Variants in SFMBT2 observed in about 807,000 individuals in gnomAD.
SFMBT2 encodes the protein scm-like with four MBT domains protein 2.
Under a neutral mutation model 110.1 loss-of-function variants are expected in SFMBT2, and 38 were observed. That is an observed-to-expected ratio of 0.35 (90% CI 0.27 to 0.45). The LOEUF (loss-of-function observed/expected upper bound fraction) is 0.45, where lower values mean the gene tolerates loss of function less well. SFMBT2 is among the 20% of genes least tolerant of loss of function. The probability of loss-of-function intolerance (pLI) is 1.00; values close to 1 mark genes in which losing one functional copy is unlikely to be tolerated. For missense variants in SFMBT2, 1,011 were observed against 1,094.9 expected (o/e 0.92, Z 1.08); for synonymous variants, 425 against 425.4 (o/e 1.00, Z 0.01).
At chr10:7,193,176 C>A (rs1190910159) in intron 15 of SFMBT2, among the ~76,000 whole-genome samples, 1 of 152,120 alleles carries the variant, frequency 6.6e-6, no homozygotes, top group African/African-American at 2.4e-5. Context: ...CCTGGACTGC[C>A]AAAAAGCAGC....
intron 11 of SFMBT2, among the ~76,000 whole-genome samples, chr10:7,213,409 T>G: frequency 6.6e-6 from 1 of 151,158 alleles, no homozygotes; most frequent in African/African-American, 2.4e-5. Context: ...CTGAGTGCAA[T>G]GTGGGGGCCA....
chr10:7,220,857 G>A, intron 10 of SFMBT2, among the ~76,000 whole-genome samples: 1 of 147,912 alleles, frequency 6.8e-6, no homozygotes. Flanking sequence ...GACAGAGTCT[G>A]GCTCTGATGC....
intron 16 of SFMBT2, among the ~76,000 whole-genome samples, chr10:7,178,330 G>C (rs1341220014): frequency 6.6e-6 from 1 of 152,170 alleles, no homozygotes; most frequent in Non-Finnish European, 1.5e-5. Context: ...GGGTATGGAA[G>C]TTTTCCCCAA....
intron 10 of SFMBT2, among the ~76,000 whole-genome samples, chr10:7,226,414 C>G (rs541758352): frequency 5.9e-5 from 9 of 152,374 alleles, no homozygotes; most frequent in Admixed American, 2.0e-4. Flanking sequence ...GCAGCCACCC[C>G]TTTCTCGCTT....
In SFMBT2 at chr10:7,266,038, A is replaced by G. The variant is rs1375771125; in HGVS notation, c.870+10854T>C. Among the ~76,000 whole-genome samples the G allele has an allele frequency of 5.3e-5, 8 of 152,270 alleles. No homozygotes were observed. The South Asian group carries it at 1.7e-3, about 32-fold the overall frequency. On this transcript the variant is annotated intron_variant, in intron 7 of 20. Coordinates refer to ENST00000397167, the MANE Select transcript of SFMBT2 (RefSeq NM_001387889.1). The stretch of plus-strand genomic sequence containing the variant: ...GCTGAGATCAGTGCTGAACCAGGAT[A>G]GCAGGGAGAGTGCGCAGAAGGGGAG...
chr10:7,271,507 A>G (rs1329730876), intron 7 of SFMBT2, among the ~76,000 whole-genome samples: 1 of 152,172 alleles, frequency 6.6e-6, no homozygotes, highest in Admixed American at 6.5e-5. Context: ...ATGATTAAGC[A>G]TAACTGTGAC....
intron 4 of SFMBT2, chr10:7,329,407 C>G (rs1439317144): frequency 1.0e-6 from 1 of 980,370 alleles, no homozygotes; most frequent in Non-Finnish European, 1.2e-6. Flanking sequence ...CAGCGCAGCA[C>G]AGCACGGGTG....
chr10:7,379,865 C>G (rs1332439154), intron 2 of SFMBT2, among the ~76,000 whole-genome samples: 1 of 152,160 alleles, frequency 6.6e-6, no homozygotes, highest in Admixed American at 6.5e-5. Context: ...CATACAGCCA[C>G]CCTTAACGAA....
At chr10:7,398,579 C>A (rs140469262) in intron 1 of SFMBT2, among the ~76,000 whole-genome samples, 2,775 of 152,190 alleles carry the variant, frequency 0.018, 36 homozygotes, top group South Asian at 0.052. Context: ...TGAGTTTGGT[C>A]AAAGGGCCTT....
At chr10:7,322,165 T>C (rs1843211425) in intron 4 of SFMBT2, among the ~76,000 whole-genome samples, 1 of 152,246 alleles carries the variant, frequency 6.6e-6, no homozygotes, top group Non-Finnish European at 1.5e-5. Context: ...TTTCCTATTC[T>C]GTTCTACTGA....
At chr10:7,271,514 T>C (rs1246664685) in intron 7 of SFMBT2, among the ~76,000 whole-genome samples, 3 of 152,120 alleles carry the variant, frequency 2.0e-5, no homozygotes, top group Non-Finnish European at 1.5e-5. Context: ...AGCATAACTG[T>C]GACAGAACAA....
intron 4 of SFMBT2, among the ~76,000 whole-genome samples, chr10:7,325,399 G>GCT (rs768487573): frequency 1.3e-5 from 2 of 152,312 alleles, no homozygotes; most frequent in East Asian, 3.9e-4. Context: ...TGTACTCAGA[G>GCT]AAGTTTAAAA....
Position 7,367,810 on chromosome 10 carries a change from C to T in SFMBT2, c.275G>A (p.Trp92Ter). The stretch of plus-strand genomic sequence containing the variant: ...GCACGTGGTAATGATCGTGGCCACC[C>T]AGTACGTGTCCGGGTTGTTCTTATT... ...VANKNNPDTY[W>*]VATIITTCGQ... Residue 92 changes from tryptophan to a stop codon, truncating the protein, a stop_gained, in exon 4 of 21, where the codon TGG (tryptophan) becomes TAG (stop). Transcript: ENST00000397167. LOFTEE classifies it high-confidence loss of function. This position sits in a 1 kb window ranked among gnomAD's most constrained non-coding sequence, Gnocchi z 6.2. 6.2e-7 allele frequency: 1 copy of T among 1,614,182 alleles called. No homozygotes were observed. The highest frequency in any genetic ancestry group is 8.5e-7 in the Non-Finnish European group (1 of 1,180,032).
intron 1 of SFMBT2, among the ~76,000 whole-genome samples, chr10:7,398,045 T>C (rs777441321): frequency 6.6e-6 from 1 of 152,232 alleles, no homozygotes; most frequent in Non-Finnish European, 1.5e-5. Flanking sequence ...CAGGCTTACA[T>C]TGGTTTCCAC....
chr10:7,192,958 T>C lies in SFMBT2; in HGVS notation c.1699-4225A>G, dbSNP rs1588787179. ...GCATCTCAGCAAACGGGGTGGAGAG[T>C]TACACTGGAGCAAAAAAACAAGCCC... On this transcript the variant is annotated intron_variant, in intron 15 of 20. Coordinates refer to ENST00000397167, the MANE Select transcript of SFMBT2 (RefSeq NM_001387889.1). Among the ~76,000 whole-genome samples, 7 of 151,494 alleles carry C rather than the reference T, an allele frequency of 4.6e-5. 1 individual carries two copies. The highest frequency in any genetic ancestry group is 4.6e-4 in the Admixed American group (7 of 15,272).
At chr10:7,282,275 T>C (rs1841967116) in intron 6 of SFMBT2, among the ~76,000 whole-genome samples, 1 of 152,244 alleles carries the variant, frequency 6.6e-6, no homozygotes, top group Non-Finnish European at 1.5e-5. Flanking sequence ...CACGGAGGCA[T>C]GTTCCATTCC....
intron 4 of SFMBT2, among the ~76,000 whole-genome samples, chr10:7,337,267 G>T (rs1283822271): frequency 6.6e-6 from 1 of 152,180 alleles, no homozygotes; most frequent in Non-Finnish European, 1.5e-5. Context: ...AGAAAACGTA[G>T]GCTGCTCCCC....
intron 20 of SFMBT2, among the ~76,000 whole-genome samples, chr10:7,167,886 A>G (rs1279390936): frequency 6.6e-6 from 1 of 152,150 alleles, no homozygotes; most frequent in Non-Finnish European, 1.5e-5. Context: ...ATATTAGAAG[A>G]GCAATAGGGC....
At position 7,246,947 on chromosome 10, in the gene SFMBT2, C is replaced by T. The variant is rs147559377; in HGVS notation, c.972+1601G>A. 1.8e-3 allele frequency among the ~76,000 whole-genome samples: 277 copies of T among 151,926 alleles called. 3 individuals carry two copies. Among genetic ancestry groups the T allele is most frequent in the African/African-American group, 6.2e-3 (257 of 41,438 alleles). On this transcript the variant is annotated intron_variant, in intron 8 of 20. Transcript: ENST00000397167. ...CACTGGTCCATTTTGGAAAAATATC[C>T]GACAACTGACAGGATACACAGTAAA...
Sources: gnomAD v4.1 joint callset for allele counts (sites outside exome capture counted in the v4.1 genomes callset) on GRCh38, gnomAD v4.1.1 for gene constraint, Gnocchi (gnomAD v3.1) non-coding constraint, MANE v1.5 for transcripts, NCBI Gene and HGNC (gene_info 2026-07-23, HGNC 2026-07-21) for gene names.